Variants in DPP6 observed in about 807,000 individuals in gnomAD.
The protein encoded by DPP6 is dipeptidyl peptidase like 6.
DPP6 carries 69 observed loss-of-function variants against 122.6 expected under a neutral mutation model. That is an observed-to-expected ratio of 0.56 (90% CI 0.46 to 0.69). The LOEUF (loss-of-function observed/expected upper bound fraction) is 0.69, where lower values mean the gene tolerates loss of function less well. Among genes scored for constraint, DPP6 ranks in the 30% least tolerant of loss-of-function variants. DPP6 has a pLI of 0.00. For missense variants in DPP6, 928 were observed against 1,116.9 expected (o/e 0.83, Z 2.41); for synonymous variants, 418 against 433.1 (o/e 0.97, Z 0.43).
intron 1 of DPP6, among the ~76,000 whole-genome samples, chr7:154,422,851 C>T (rs1586223880): frequency 6.6e-6 from 1 of 152,280 alleles, no homozygotes; most frequent in South Asian, 2.1e-4. Flanking sequence ...CCAGAAAAGA[C>T]AGATCCAGAG....
At chr7:153,857,994 C>A in the DPP6 span, among the ~76,000 whole-genome samples, 6 of 152,158 alleles carry the variant, frequency 3.9e-5, no homozygotes, top group Non-Finnish European at 8.8e-5. Context: ...ATGATGTGAT[C>A]TTTTTGCAAG....
intron 7 of DPP6, among the ~76,000 whole-genome samples, chr7:154,711,027 G>T (rs1197754236): frequency 1.3e-5 from 2 of 152,324 alleles, no homozygotes; most frequent in African/African-American, 4.8e-5. Flanking sequence ...ATCAGGAAAT[G>T]TGATAACTCA....
chr7:154,749,439 AG>A (rs1843231342), intron 8 of DPP6, among the ~76,000 whole-genome samples: 1 of 150,438 alleles, frequency 6.6e-6, no homozygotes, highest in Non-Finnish European at 1.5e-5. Context: ...GACAGGAGGG[AG>A]AGGGATGGCG....
At chr7:154,239,992 TAAAAAAAAAAAAAAAAAAAAAAAAAAAAA>T (rs763543397) in intron 1 of DPP6, among the ~76,000 whole-genome samples, 73 of 50,426 alleles carry the variant, frequency 1.4e-3, no homozygotes, top group African/African-American at 4.0e-3. Context: ...ATGCTGTCTT[TAAAAAAAAAAAAAAAAAAAAAAAAAAAAA>T]AAAAAAAAAA....
rs150978193 is a variant in DPP6, at chr7:154,216,020, G to A, written c.243+162957G>A. ...CCCAGTGAACAGCTGCATTCTGGTC[G>A]GTCCTCTTTTTCCCTTCCTCTGCCA... On this transcript the variant is annotated intron_variant, in intron 1 of 25. Coordinates refer to ENST00000377770, the MANE Select transcript of DPP6 (RefSeq NM_130797.4). Among the ~76,000 whole-genome samples, 54 of 152,044 alleles carry A rather than the reference G, an allele frequency of 3.6e-4. No homozygotes were observed. In the East Asian group the frequency reaches 9.5e-3, roughly 27 times the overall value.
intron 1 of DPP6, among the ~76,000 whole-genome samples, chr7:154,195,751 A>T (rs1798834005): frequency 6.6e-6 from 1 of 152,174 alleles, no homozygotes; most frequent in South Asian, 2.1e-4. Context: ...TTTCCAAAAA[A>T]TTCTGTTATG....
At chr7:154,090,921 C>T (rs1301795431) in intron 1 of DPP6, among the ~76,000 whole-genome samples, 4 of 148,948 alleles carry the variant, frequency 2.7e-5, no homozygotes, top group East Asian at 2.0e-4. Context: ...GAGATCGAGA[C>T]CATCCTGGCT....
At chr7:153,839,670 C>G in the DPP6 span, among the ~76,000 whole-genome samples, 1 of 152,212 alleles carries the variant, frequency 6.6e-6, no homozygotes, top group Non-Finnish European at 1.5e-5. Context: ...CATCAATAGA[C>G]TCTTTCAAGT....
At chr7:154,207,379 A>G (rs912757728) in intron 1 of DPP6, among the ~76,000 whole-genome samples, 5 of 152,328 alleles carry the variant, frequency 3.3e-5, no homozygotes, top group Non-Finnish European at 7.3e-5. Flanking sequence ...AATTGGCATG[A>G]TCTTAAAAAA....
the DPP6 span, among the ~76,000 whole-genome samples, chr7:153,753,623 G>A: frequency 3.9e-5 from 6 of 152,060 alleles, no homozygotes; most frequent in East Asian, 1.9e-4. Context: ...TCTAGTTTTC[G>A]TTCTCATTCC....
intron 6 of DPP6, among the ~76,000 whole-genome samples, chr7:154,651,652 G>A (rs1388725959): frequency 2.0e-5 from 3 of 152,128 alleles, no homozygotes; most frequent in South Asian, 2.1e-4. Context: ...AAATAGTCTC[G>A]AAGGACTGTC....
the DPP6 span, among the ~76,000 whole-genome samples, chr7:153,827,896 C>T: frequency 6.6e-6 from 1 of 152,168 alleles, no homozygotes; most frequent in African/African-American, 2.4e-5. Context: ...AAGGTGCCCC[C>T]TACCCTCCAC....
rs577266195 is a variant in DPP6 at position 154,331,818 on chromosome 7, A to C, written c.244-114396A>C. Among the ~76,000 whole-genome samples the C allele has an allele frequency of 9.9e-5, 15 of 152,244 alleles. No individual in the cohort carries two copies. The South Asian group carries it at 3.1e-3, about 32-fold the overall frequency. On this transcript the variant is annotated intron_variant, in intron 1 of 25. Transcript: ENST00000377770. ...CAGCCACTTTTTCAGGGTCGTAAAA[A>C]CACTCTGTGACTTTCCCAAAATACA...
At chr7:154,840,410 TCTC>T (rs757596440) in intron 16 of DPP6, among the ~76,000 whole-genome samples, 1 of 152,152 alleles carries the variant, frequency 6.6e-6, no homozygotes, top group South Asian at 2.1e-4. Flanking sequence ...GCCTTTCCAG[TCTC>T]CTCCTCACTA....
At chr7:153,855,457 T>C in the DPP6 span, among the ~76,000 whole-genome samples, 1 of 152,226 alleles carries the variant, frequency 6.6e-6, no homozygotes, top group Admixed American at 6.5e-5. Flanking sequence ...CTGCGTGAAC[T>C]TTGGAAATCA....
intron 1 of DPP6, among the ~76,000 whole-genome samples, chr7:154,443,101 C>T (rs1366309503): frequency 2.6e-5 from 4 of 152,200 alleles, no homozygotes; most frequent in African/African-American, 4.8e-5. Flanking sequence ...TGGCCACTGC[C>T]TCCTTGCTGT....
At chr7:154,531,618 TG>T (rs1827843242) in intron 3 of DPP6, among the ~76,000 whole-genome samples, 1 of 152,194 alleles carries the variant, frequency 6.6e-6, no homozygotes, top group African/African-American at 2.4e-5. Context: ...TGGCCAATTG[TG>T]GATAAATGCA....
chr7:153,823,440 G>T, the DPP6 span, among the ~76,000 whole-genome samples: 2 of 146,178 alleles, frequency 1.4e-5, no homozygotes, highest in Non-Finnish European at 1.5e-5. Context: ...CTAAGCGGGG[G>T]GATGAAGAGT....
At position 154,413,858 on chromosome 7, in the gene DPP6, G is replaced by A. The variant is rs983269251; in HGVS notation, c.244-32356G>A. Among the ~76,000 whole-genome samples, 5 of 152,004 alleles carry A rather than the reference G, an allele frequency of 3.3e-5. No homozygotes were observed. In the South Asian group the frequency reaches 8.3e-4, roughly 25 times the overall value. On this transcript the variant is annotated intron_variant, in intron 1 of 25. Coordinates refer to ENST00000377770, the MANE Select transcript of DPP6 (RefSeq NM_130797.4). ...ATGAATGATAATGAGTCAAATAAAA[G>A]CAATTTGCTTTTTCATGAAAAGTAG...
Sources: allele counts gnomAD v4.1 joint callset (sites outside exome capture counted in the v4.1 genomes callset), GRCh38; gene constraint gnomAD v4.1.1; transcripts MANE v1.5; gene names NCBI Gene and HGNC (gene_info 2026-07-23, HGNC 2026-07-21).